INTS1: variants seen among roughly 807,000 people sequenced by gnomAD.
INTS1 encodes integrator complex subunit 1.
A neutral mutation model predicts 241.6 loss-of-function variants in INTS1; 137 were observed. The observed-to-expected ratio is 0.57, with a 90% CI of 0.49 to 0.65. The LOEUF is 0.65. INTS1 is among the 30% of genes least tolerant of loss of function. The pLI, the probability that INTS1 is intolerant of heterozygous loss-of-function variation, is 0.00. For synonymous variants in INTS1, 1,692 were observed against 1,337.8 expected, an observed-to-expected ratio of 1.26 and a Z score of -5.78; for missense variants, 3,073 against 3,032.2, an observed-to-expected ratio of 1.01 and a Z score of -0.32.
At position 1,479,683 on chromosome 7, in the gene INTS1, A is replaced by T; in HGVS notation, c.4076T>A (p.Ile1359Asn). 3 of 1,463,908 alleles carry T rather than the reference A, an allele frequency of 2.0e-6. No homozygotes were observed. The highest frequency in any genetic ancestry group is 2.7e-6 in the Non-Finnish European group (3 of 1,106,594). The allele number at this position is 1,463,908 out of a possible 1,614,324, so 90.7% of individuals were successfully genotyped here. A position where few individuals can be genotyped will look rare whatever the true frequency, so the allele number is the denominator to read the frequency against. Residue 1359 changes from isoleucine (I) to asparagine (N), a missense_variant and splice_region_variant, in exon 31 of 48, where the codon ATT (isoleucine) becomes AAT (asparagine). By Grantham distance (149) the Ile-to-Asn change is moderately radical. Transcript: ENST00000404767. Reference sequence around the variant, plus strand: ...CCGAGGGTCCGGGCTGAGCGGGAAAATCTGGAACGGGGAAGGCCAGTGTCA... The same window carrying T: ...CCGAGGGTCCGGGCTGAGCGGGAAATTCTGGAACGGGGAAGGCCAGTGTCA... Reference protein sequence around the residue: ...EDDLAGMFLQIFPLSPDPRWQ... With the variant: ...EDDLAGMFLQNFPLSPDPRWQ...
rs376128776 is a variant in INTS1 at position 1,497,742 on chromosome 7, G to A, written c.1426-428C>T. 1.1e-4 allele frequency among the ~76,000 whole-genome samples: 16 copies of A among 152,258 alleles called. No individual in the cohort carries two copies. The highest frequency in any genetic ancestry group is 2.1e-4 in the Non-Finnish European group (14 of 68,044). Reference sequence around the variant, plus strand: ...CCAGGCCGCGAAGACTGAACGCGGAGCTGAGAGCGGCTGTGCCTCCCTCGT... The same window carrying A: ...CCAGGCCGCGAAGACTGAACGCGGAACTGAGAGCGGCTGTGCCTCCCTCGT... On this transcript the variant is annotated intron_variant, in intron 10 of 47. Transcript: ENST00000404767. The surrounding 1 kb of genome is among the most constrained non-coding windows in gnomAD (Gnocchi z 5.3).
intron 16 of INTS1, among the ~76,000 whole-genome samples, chr7:1,491,165 C>T (rs1255232979): frequency 6.6e-6 from 1 of 152,218 alleles, no homozygotes; most frequent in Non-Finnish European, 1.5e-5. Context: ...GTGGGGCAGC[C>T]CCAGCGTCCT....
rs567159987 is a variant in INTS1 at position 1,472,162 on chromosome 7, G to A, written c.6184+111C>T. The A allele has an allele frequency of 4.4e-4, 355 of 798,978 alleles. 1 individual carries two copies. The East Asian group carries it at 8.7e-3, about 20-fold the overall frequency. 49.5% of individuals were successfully genotyped at this position (798,978 alleles called of 1,614,324 possible). A position where few individuals can be genotyped will look rare whatever the true frequency, so the allele number is the denominator to read the frequency against. On this transcript the variant is annotated intron_variant, in intron 44 of 47. Coordinates refer to ENST00000404767, the MANE Select transcript of INTS1 (RefSeq NM_001080453.3). Reference sequence around the variant, plus strand: ...ACAGCCCACCCACCCACAGCCCAGCGTGGGCCAGGCTCACGCCAAAGTCAG... The same window carrying A: ...ACAGCCCACCCACCCACAGCCCAGCATGGGCCAGGCTCACGCCAAAGTCAG...
intron 13 of INTS1, 105 bp downstream of exon 13, chr7:1,495,328 G>A: frequency 7.3e-7 from 1 of 1,372,876 alleles, no homozygotes; most frequent in Non-Finnish European, 9.8e-7. Flanking sequence ...GCGGGGCCTG[G>A]CTTGTCCTGG....
In INTS1 at chr7:1,499,461, C is replaced by A; in HGVS notation, c.844+12G>T. 6.4e-7 allele frequency: 1 copy of A among 1,562,354 alleles called. No homozygotes were observed. Among genetic ancestry groups the A allele is most frequent in the Non-Finnish European group, 8.7e-7 (1 of 1,150,576 alleles). ...TGGACACCCGCCCTCTCTGGCTGGC[C>A]GTGTGTCTCACCTGCACCCAGGTCG... On this transcript the variant is annotated intron_variant, in intron 6 of 47. Transcript: ENST00000404767.
In INTS1 at chr7:1,498,959, CG is replaced by C; in HGVS notation, c.1137+15del. 2.0e-6 allele frequency: 3 copies of C among 1,487,722 alleles called. No individual in the cohort carries two copies. Among genetic ancestry groups the C allele is most frequent in the Non-Finnish European group, 1.8e-6 (2 of 1,118,700 alleles). 92.2% of individuals were successfully genotyped at this position (1,487,722 alleles called of 1,614,324 possible). ...CCACCCCCTGCCCCGCCCACCCCCC[CG>C]GGGCGCCCCCGCACCTTGGGGTTCT... On this transcript the variant is annotated intron_variant, in intron 8 of 47. Transcript: ENST00000404767.
intron 10 of INTS1, 131 bp downstream of exon 10, chr7:1,498,281 C>A (rs1782959768): frequency 7.1e-7 from 1 of 1,407,040 alleles, no homozygotes; most frequent in African/African-American, 1.4e-5. Context: ...TCAAAAGCTC[C>A]TTCCCGAGAC....
intron 9 of INTS1, 67 bp downstream of exon 9, chr7:1,498,640 C>CCGCCCACACCCCCACCCA: frequency 6.6e-7 from 1 of 1,524,268 alleles, no homozygotes; most frequent in Non-Finnish European, 8.8e-7. Context: ...CACCCCCGCT[C>CCGCCCACACCCCCACCCA]CGCCCACACC....
In INTS1 at chr7:1,493,007, T is replaced by C. The variant is rs1782655369; in HGVS notation, c.2165+3A>G. The stretch of plus-strand genomic sequence containing the variant: ...GGGAGTGGGGAGCGGGGCGTGGGCT[T>C]ACCCCGGTGGGAGCTGGATGTTTTC... On this transcript the variant is annotated splice_donor_region_variant and intron_variant, in intron 16 of 47. Transcript: ENST00000404767. This position sits in a 1 kb window ranked among gnomAD's most constrained non-coding sequence, Gnocchi z 5.3. 1.9e-6 allele frequency: 3 copies of C among 1,610,744 alleles called. No homozygotes were observed. Among genetic ancestry groups the C allele is most frequent in the Non-Finnish European group, 2.5e-6 (3 of 1,178,098 alleles).
At chr7:1,474,565 TCC>T in intron 40 of INTS1, 138 bp downstream of exon 40, 1 of 1,291,646 alleles carries the variant, frequency 7.7e-7, no homozygotes, top group Non-Finnish European at 1.0e-6. Context: ...AGTCCTGACT[TCC>T]CCCGGTCAAG....
chr7:1,479,782 G>A (rs529379313), intron 30 of INTS1, 98 bp from the exon 31 acceptor site: 57 of 1,278,720 alleles, frequency 4.5e-5, no homozygotes, highest in South Asian at 4.4e-4. Flanking sequence ...TGCCAGAACC[G>A]CGTCCCATCG....
In INTS1 at chr7:1,504,352, G is replaced by A. The variant is rs906194800; in HGVS notation, c.-71C>T. ...GGCCCATCGCGACCGGAGCGCCGCC[G>A]CCGCCACCCGGCCACCCCGGAATCG... is the stretch of plus-strand genomic sequence containing the variant. On this transcript the variant is annotated 5_prime_UTR_variant, in exon 1 of 48. Coordinates refer to ENST00000404767, the MANE Select transcript of INTS1 (RefSeq NM_001080453.3). The A allele has an allele frequency of 1.0e-5, 5 of 497,448 alleles. No individual in the cohort carries two copies. Among genetic ancestry groups the A allele is most frequent in the South Asian group, 3.1e-5 (2 of 65,104 alleles). The allele number at this position is 497,448 out of a possible 1,614,324, so 30.8% of individuals were successfully genotyped here.
intron 18 of INTS1, among the ~76,000 whole-genome samples, 172 bp downstream of exon 18, chr7:1,489,172 G>C (rs374246110): frequency 9.8e-5 from 15 of 152,338 alleles, no homozygotes; most frequent in African/African-American, 3.1e-4. Context: ...GGAAAGAGAA[G>C]AGAACAAAGT....
At chr7:1,482,447 T>C in intron 27 of INTS1, 99 bp downstream of exon 27, 2 of 1,253,790 alleles carry the variant, frequency 1.6e-6, no homozygotes, top group Middle Eastern at 2.5e-4. Context: ...AGTCTTCTCC[T>C]CTGCCACAGC....
intron 19 of INTS1, 64 bp from the exon 20 acceptor site, chr7:1,487,513 C>G: frequency 6.5e-7 from 1 of 1,548,166 alleles, no homozygotes; most frequent in African/African-American, 1.4e-5. Context: ...AGAACCCCTC[C>G]TCCTCCCATC....
At chr7:1,502,070 G>T (rs914182792) in intron 3 of INTS1, among the ~76,000 whole-genome samples, 7 of 152,134 alleles carry the variant, frequency 4.6e-5, no homozygotes, top group Non-Finnish European at 8.8e-5. Context: ...TGAGGGCAAG[G>T]CCACAGCCCA....
At position 1,473,125 on chromosome 7, in the gene INTS1, C is replaced by A; in HGVS notation, c.6017G>T (p.Ser2006Ile). Residue 2006 changes from serine to isoleucine, a missense_variant, in exon 43 of 48, where the codon AGC becomes ATC. Physicochemically the swap from Ser to Ile is moderately radical, Grantham distance 142. Coordinates refer to ENST00000404767, the MANE Select transcript of INTS1 (RefSeq NM_001080453.3). ...GGTCCTGTCGTCCCTGCTGGGCAGGCTGAGCCCTGCAAGGAGGGATTTCAG... is the reference window on the plus strand; with the variant it reads ...GGTCCTGTCGTCCCTGCTGGGCAGGATGAGCCCTGCAAGGAGGGATTTCAG... ...VMLKSLLAGLSLPSRDDRTDR... is the reference protein window; with the variant it reads ...VMLKSLLAGLILPSRDDRTDR... 1.2e-6 allele frequency: 2 copies of A among 1,612,200 alleles called. No individual in the cohort carries two copies. The highest frequency in any genetic ancestry group is 1.7e-6 in the Non-Finnish European group (2 of 1,179,418).
intron 13 of INTS1, 96 bp downstream of exon 13, chr7:1,495,337 G>C (rs1562514883): frequency 7.0e-7 from 1 of 1,430,728 alleles, no homozygotes; most frequent in Non-Finnish European, 9.4e-7. Context: ...GGCTTGTCCT[G>C]GCTCAGTGGG....
At position 1,484,499 on chromosome 7, in the gene INTS1, G is replaced by A. The variant is rs1187980590; in HGVS notation, c.3262-329C>T. On this transcript the variant is annotated intron_variant, in intron 24 of 47. Transcript: ENST00000404767. ...CCACCAACTTTCACTAGGTCACAGC[G>A]CAGGTTGTGGACAAGAGAACCGTGA... 3.3e-5 allele frequency among the ~76,000 whole-genome samples: 5 copies of A among 152,198 alleles called. No homozygotes were observed. The East Asian group carries it at 5.8e-4, about 18-fold the overall frequency.
Sources: gnomAD v4.1 joint callset for allele counts (sites outside exome capture counted in the v4.1 genomes callset) on GRCh38, gnomAD v4.1.1 for gene constraint, Gnocchi (gnomAD v3.1) non-coding constraint, MANE v1.5 for transcripts, NCBI Gene and HGNC (gene_info 2026-07-23, HGNC 2026-07-21) for gene names.